The following RMST variants were observed in gnomAD, a reference collection of about 807,000 sequenced individuals.
RMST encodes the protein long intergenic non-protein coding RNA 54.
At chr12:97,472,951 T>G (rs916935346) in intron 5 of RMST, among the ~76,000 whole-genome samples, 2 of 152,102 alleles carry the variant, frequency 1.3e-5, no homozygotes, top group Non-Finnish European at 2.9e-5. Flanking sequence ...GTGAAGGATT[T>G]TATAAAAGGA....
intron 10 of RMST, among the ~76,000 whole-genome samples, chr12:97,526,466 T>C (rs1370539180): frequency 6.6e-6 from 1 of 152,148 alleles, no homozygotes; most frequent in East Asian, 1.9e-4. Context: ...CTGTCATAAA[T>C]AGTGCTGCAA....
At chr12:97,497,178 A>C (rs1877523576) in intron 10 of RMST, among the ~76,000 whole-genome samples, 1 of 152,202 alleles carries the variant, frequency 6.6e-6, no homozygotes, top group South Asian at 2.1e-4. Flanking sequence ...CAGAGAATAC[A>C]GTGGAAAAGT....
chr12:97,527,667 AC>A (rs147624227), intron 10 of RMST, among the ~76,000 whole-genome samples: 17,750 of 152,190 alleles, frequency 0.12, 1,328 homozygotes, highest in East Asian at 0.3. Flanking sequence ...GCAAAATTGT[AC>A]GATCTACAGG....
chr12:97,513,579 A>C (rs1323234167), intron 10 of RMST, among the ~76,000 whole-genome samples: 1 of 152,150 alleles, frequency 6.6e-6, no homozygotes, highest in Non-Finnish European at 1.5e-5. Flanking sequence ...CCCTAAACAA[A>C]TCTGATGAAG....
intron 5 of RMST, among the ~76,000 whole-genome samples, chr12:97,486,130 T>A (rs1593156728): frequency 6.6e-6 from 1 of 152,240 alleles, no homozygotes; most frequent in East Asian, 1.9e-4. Context: ...TGGTAAGCTT[T>A]GAAAAAAAAT....
intron 11 of RMST, among the ~76,000 whole-genome samples, chr12:97,541,733 A>G: frequency 6.7e-6 from 1 of 149,598 alleles, no homozygotes; most frequent in African/African-American, 2.5e-5. Flanking sequence ...AAAAAAAGAA[A>G]AAGAAAAAGA....
intron 11 of RMST, among the ~76,000 whole-genome samples, chr12:97,531,738 T>C (rs1055308113): frequency 6.6e-6 from 1 of 152,002 alleles, no homozygotes; most frequent in Non-Finnish European, 1.5e-5. Flanking sequence ...ATATTAAGGT[T>C]CTTTCCCTCC....
intron 11 of RMST, among the ~76,000 whole-genome samples, chr12:97,535,890 A>G (rs1057513327): frequency 4.6e-5 from 7 of 151,660 alleles, no homozygotes; most frequent in African/African-American, 1.7e-4. Context: ...CTTATTTCAT[A>G]GACAGAAGAC....
intron 11 of RMST, among the ~76,000 whole-genome samples, chr12:97,544,047 G>C (rs11109101): frequency 6.6e-6 from 1 of 152,010 alleles, no homozygotes; most frequent in Non-Finnish European, 1.5e-5. Flanking sequence ...TCTCTTCAGT[G>C]ATTTGCCTAC....
intron 5 of RMST, among the ~76,000 whole-genome samples, chr12:97,492,201 A>T (rs1304683838): frequency 6.6e-6 from 1 of 152,202 alleles, no homozygotes. Context: ...ATCAAATCAA[A>T]GTTTTTACAT....
At chr12:97,466,645 G>A (rs985817140) in intron 5 of RMST, among the ~76,000 whole-genome samples, 1 of 152,008 alleles carries the variant, frequency 6.6e-6, no homozygotes, top group Admixed American at 6.6e-5. Flanking sequence ...ACATTTTGAT[G>A]ACTTTCATTT....
chr12:97,475,558 A>G (rs1874436269), intron 5 of RMST, among the ~76,000 whole-genome samples: 1 of 151,356 alleles, frequency 6.6e-6, no homozygotes, highest in Admixed American at 6.6e-5. Flanking sequence ...AATAACGATT[A>G]TAATACCCAC....
chr12:97,469,279 ACAGT>A (rs1465000492), intron 5 of RMST, among the ~76,000 whole-genome samples: 2 of 151,566 alleles, frequency 1.3e-5, no homozygotes, highest in Non-Finnish European at 2.9e-5. Flanking sequence ...TATTGGTAAA[ACAGT>A]CAGAATGTGC....
At chr12:97,553,677 G>A (rs1376402882) in intron 11 of RMST, among the ~76,000 whole-genome samples, 1 of 152,084 alleles carries the variant, frequency 6.6e-6, no homozygotes, top group Non-Finnish European at 1.5e-5. Context: ...TAATGCCCCT[G>A]GAGCATGATG....
chr12:97,502,917 T>C (rs184938497), intron 10 of RMST, among the ~76,000 whole-genome samples: 63 of 152,350 alleles, frequency 4.1e-4, no homozygotes, highest in Non-Finnish European at 1.8e-4. Flanking sequence ...TGTGACTTCC[T>C]TGGGCTCTTT....
chr12:97,498,657 C>G (rs1877735350), intron 10 of RMST, among the ~76,000 whole-genome samples: 1 of 152,116 alleles, frequency 6.6e-6, no homozygotes, highest in African/African-American at 2.4e-5. Context: ...TTCTGTCAGG[C>G]AATCGTGGTA....
intron 4 of RMST, among the ~76,000 whole-genome samples, chr12:97,464,147 A>C (rs981231092): frequency 1.3e-5 from 2 of 152,162 alleles, no homozygotes; most frequent in East Asian, 3.8e-4. Flanking sequence ...CATAGATGAG[A>C]ATTCTTTGTC....
chr12:97,511,147 CTTCT>C (rs1268098813), intron 10 of RMST, among the ~76,000 whole-genome samples: 5 of 144,080 alleles, frequency 3.5e-5, no homozygotes, highest in South Asian at 2.1e-4. Context: ...ATTGTACTTC[CTTCT>C]TTTTTTTTTT....
intron 5 of RMST, among the ~76,000 whole-genome samples, chr12:97,477,519 TAAC>T (rs1159972344): frequency 5.9e-5 from 9 of 151,890 alleles, no homozygotes; most frequent in Non-Finnish European, 1.0e-4. Flanking sequence ...TAAAACAAAA[TAAC>T]AACAACATCA....
Sources: allele counts gnomAD v4.1 joint callset (sites outside exome capture counted in the v4.1 genomes callset), GRCh38; gene constraint gnomAD v4.1.1; transcripts MANE v1.5; gene names NCBI Gene and HGNC (gene_info 2026-07-23, HGNC 2026-07-21).